The following MECOM variants were observed in gnomAD, a reference collection of about 807,000 sequenced individuals.
MECOM encodes MDS1 and EVI1 complex locus.
Under a neutral mutation model 116.3 loss-of-function variants are expected in MECOM, and 13 were observed. The ratio of observed to expected loss-of-function variants is 0.11; its 90% CI spans 0.07 to 0.18. MECOM has a LOEUF of 0.18. Among genes scored for constraint, MECOM ranks in the 10% least tolerant of loss-of-function variants. The pLI, the probability that MECOM is intolerant of heterozygous loss-of-function variation, is 1.00. For missense variants in MECOM, 1,299 were observed against 1,509.0 expected (o/e 0.86, Z 2.31); for synonymous variants, 528 against 535.2 (o/e 0.99, Z 0.19).
chr3:169,576,228 T>C (rs560059789), intron 1 of MECOM, among the ~76,000 whole-genome samples: 4 of 152,318 alleles, frequency 2.6e-5, no homozygotes, highest in African/African-American at 9.6e-5. Flanking sequence ...GTCATTCCTT[T>C]CCACACATCT....
intron 1 of MECOM, among the ~76,000 whole-genome samples, chr3:169,482,328 CTTT>C (rs768771100): frequency 9.2e-6 from 1 of 108,394 alleles, no homozygotes. Flanking sequence ...AACCCACGTT[CTTT>C]TTTTTTTTTT....
chr3:169,143,910 C>A, intron 2 of MECOM, 78 bp from the exon 3 acceptor site: 1 of 1,428,960 alleles, frequency 7.0e-7, no homozygotes, highest in Non-Finnish European at 9.3e-7. Context: ...GAAAATATTT[C>A]ATTGAAATGT....
chr3:169,632,190 A>AAT (rs151117390), intron 1 of MECOM, among the ~76,000 whole-genome samples: 23,266 of 139,958 alleles, frequency 0.17, 1,869 homozygotes, highest in East Asian at 0.3. Flanking sequence ...TCTGGAGAGA[A>AAT]ATATATATAT....
In MECOM at chr3:169,529,699, G is replaced by A. The variant is rs752839165; in HGVS notation, c.37+133637C>T. 3.9e-5 allele frequency among the ~76,000 whole-genome samples: 6 copies of A among 152,284 alleles called. No individual in the cohort carries two copies. The South Asian group carries it at 6.2e-4, about 16-fold the overall frequency. On this transcript the variant is annotated intron_variant, in intron 1 of 16. Transcript: ENST00000651503. ...TGATTTTCATGACTTTTCTTTGTTCGTTTGTTTTAGTAACTGAGTGCTAAC... is the reference window on the plus strand; with the variant it reads ...TGATTTTCATGACTTTTCTTTGTTCATTTGTTTTAGTAACTGAGTGCTAAC...
chr3:169,461,281 C>T (rs1747394784), intron 1 of MECOM, among the ~76,000 whole-genome samples: 1 of 152,104 alleles, frequency 6.6e-6, no homozygotes, highest in South Asian at 2.1e-4. Flanking sequence ...GTGGTCTTAT[C>T]TGACTCATCA....
intron 1 of MECOM, among the ~76,000 whole-genome samples, chr3:169,568,955 A>G (rs762216257): frequency 2.5e-4 from 38 of 152,214 alleles, no homozygotes; most frequent in Non-Finnish European, 1.3e-4. Context: ...ATAACCAGCT[A>G]GCATCATAAT....
At chr3:169,290,920 T>A (rs9849075) in intron 2 of MECOM, among the ~76,000 whole-genome samples, 4 of 152,146 alleles carry the variant, frequency 2.6e-5, no homozygotes, top group African/African-American at 9.7e-5. Flanking sequence ...ATTTTTAGAA[T>A]GTAGCAGAAC....
At chr3:169,455,688 A>G (rs1746357750) in intron 1 of MECOM, among the ~76,000 whole-genome samples, 1 of 152,230 alleles carries the variant, frequency 6.6e-6, no homozygotes, top group South Asian at 2.1e-4. Flanking sequence ...CAAGCCATGC[A>G]TGGAGCAAAT....
chr3:169,641,260 A>G (rs1773453113), intron 1 of MECOM, among the ~76,000 whole-genome samples: 1 of 152,234 alleles, frequency 6.6e-6, no homozygotes, highest in Non-Finnish European at 1.5e-5. Flanking sequence ...AGCAGTGAGA[A>G]GTAGGAAAGC....
At chr3:169,232,467 C>T (rs1468016246) in intron 2 of MECOM, among the ~76,000 whole-genome samples, 1 of 151,708 alleles carries the variant, frequency 6.6e-6, no homozygotes, top group Non-Finnish European at 1.5e-5. Flanking sequence ...AAGGGAGACA[C>T]ATCAAAGAAC....
At chr3:169,646,474 T>C (rs1196627361) in intron 1 of MECOM, among the ~76,000 whole-genome samples, 1 of 151,966 alleles carries the variant, frequency 6.6e-6, no homozygotes, top group Admixed American at 6.6e-5. Context: ...AATAAATAAA[T>C]AATAAAAAAT....
chr3:169,414,416 G>A (rs1472931519), intron 1 of MECOM, among the ~76,000 whole-genome samples: 1 of 152,200 alleles, frequency 6.6e-6, no homozygotes, highest in South Asian at 2.1e-4. Context: ...ATAAATCCAT[G>A]AAGATGGGGA....
At position 169,618,165 on chromosome 3, in the gene MECOM, T is replaced by C. The variant is rs80004230; in HGVS notation, c.37+45171A>G. Among the ~76,000 whole-genome samples the C allele has an allele frequency of 4.1e-3, 631 of 152,350 alleles. 2 individuals carry two copies. Among genetic ancestry groups the C allele is most frequent in the East Asian group, 0.016 (84 of 5,190 alleles). On this transcript the variant is annotated intron_variant, in intron 1 of 16. Transcript: ENST00000651503. ...CCATGGCATATAGTTAATCCCATTT[T>C]AGAAACAAAGACATTTCCACATAGA...
chr3:169,573,102 C>G (rs1418328704), intron 1 of MECOM, among the ~76,000 whole-genome samples: 1 of 152,168 alleles, frequency 6.6e-6, no homozygotes, highest in Non-Finnish European at 1.5e-5. Flanking sequence ...GGCAGCCTAG[C>G]CAGGCTGGAC....
At chr3:169,462,123 TC>T in intron 1 of MECOM, among the ~76,000 whole-genome samples, 1 of 152,264 alleles carries the variant, frequency 6.6e-6, no homozygotes, top group African/African-American at 2.4e-5. Flanking sequence ...GAGCAGATTT[TC>T]CATGAACCTA....
intron 2 of MECOM, chr3:169,149,851 G>T (rs1740873502): frequency 3.1e-6 from 1 of 322,698 alleles, no homozygotes; most frequent in Non-Finnish European, 6.2e-6. Flanking sequence ...AATAAATTGT[G>T]AAAAAGACTA....
chr3:169,129,099 T>C (rs145395410), intron 4 of MECOM, among the ~76,000 whole-genome samples: 2 of 152,190 alleles, frequency 1.3e-5, no homozygotes, highest in African/African-American at 4.8e-5. Flanking sequence ...AGAATTCTTT[T>C]AGTCAAGTAT....
chr3:169,610,915 G>C (rs1016089067), intron 1 of MECOM, among the ~76,000 whole-genome samples: 1 of 152,190 alleles, frequency 6.6e-6, no homozygotes, highest in Admixed American at 6.5e-5. Flanking sequence ...GAGTCTGTGT[G>C]GGGTAATGAT....
At chr3:169,511,935 T>C (rs1756021738) in intron 1 of MECOM, among the ~76,000 whole-genome samples, 1 of 152,234 alleles carries the variant, frequency 6.6e-6, no homozygotes, top group Non-Finnish European at 1.5e-5. Context: ...TCTGCCAACA[T>C]GTAAATTGCT....
Sources: gnomAD v4.1 joint callset for allele counts (sites outside exome capture counted in the v4.1 genomes callset) on GRCh38, gnomAD v4.1.1 for gene constraint, MANE v1.5 for transcripts, NCBI Gene and HGNC (gene_info 2026-07-23, HGNC 2026-07-21) for gene names.